The following TTC7B variants were observed in gnomAD, a reference collection of about 807,000 sequenced individuals.
TTC7B encodes the protein tetratricopeptide repeat domain 7B.
Under a neutral mutation model 106.8 loss-of-function variants are expected in TTC7B, and 28 were observed. That is an observed-to-expected ratio of 0.26 (90% CI 0.19 to 0.36). The LOEUF (loss-of-function observed/expected upper bound fraction) is 0.36. Ranked by LOEUF, TTC7B falls within the 10% of genes least tolerant of loss-of-function variation. The pLI, the probability that TTC7B is intolerant of heterozygous loss-of-function variation, is 1.00. For missense variants in TTC7B, 862 were observed against 1,076.4 expected, an observed-to-expected ratio of 0.80 and a Z score of 2.79; for synonymous variants, 405 against 430.6, an observed-to-expected ratio of 0.94 and a Z score of 0.74.
intron 5 of TTC7B, among the ~76,000 whole-genome samples, chr14:90,727,754 T>G (rs1566858514): frequency 6.6e-6 from 1 of 152,226 alleles, no homozygotes; most frequent in Non-Finnish European, 1.5e-5. Context: ...CATCTCTTAT[T>G]GCCAAACTCT....
intron 19 of TTC7B, among the ~76,000 whole-genome samples, chr14:90,552,866 C>T (rs547302095): frequency 2.7e-4 from 41 of 152,324 alleles, no homozygotes; most frequent in African/African-American, 9.6e-4. Context: ...ATGTCAGAAC[C>T]GAAACGGGGT....
rs1197400155 is a variant in TTC7B at position 90,610,759 on chromosome 14, A to G, written c.1949T>C (p.Phe650Ser). The change falls in exon 17 of 20, where the codon TTC becomes TCC. Residue 650 changes from phenylalanine (F) to serine (S), a missense_variant. Coordinates refer to ENST00000328459, the MANE Select transcript of TTC7B (RefSeq NM_001010854.2). ...RQLNTITLPD[F>S]SDPETGSVHA... ...ATTCTCACCTGTCTCGGGATCGCTGAAGTCTGGCAAAGTAATTGTATTAAG... is the reference window on the plus strand; with the variant it reads ...ATTCTCACCTGTCTCGGGATCGCTGGAGTCTGGCAAAGTAATTGTATTAAG... The G allele has an allele frequency of 1.2e-6, 2 of 1,613,526 alleles. No individual in the cohort carries two copies. Among genetic ancestry groups the G allele is most frequent in the South Asian group, 1.1e-5 (1 of 91,066 alleles).
chr14:90,740,041 T>C (rs749271706), intron 4 of TTC7B, among the ~76,000 whole-genome samples: 13 of 152,252 alleles, frequency 8.5e-5, no homozygotes, highest in Middle Eastern at 3.2e-3. Context: ...TGCTCAATTT[T>C]AGGGGTAGTT....
At position 90,537,491 on chromosome 14, in the gene TTC7B, AG is replaced by A. The variant is rs1054262843; in HGVS notation, c.*3876del. On this transcript the variant is annotated 3_prime_UTR_variant, in exon 20 of 20. Coordinates refer to ENST00000328459, the MANE Select transcript of TTC7B (RefSeq NM_001010854.2). ...CAGGCAGGAGCCACCATGCCCAGCC[AG>A]TTTATGGTAATTTGCTGCAACCACA... is the stretch of plus-strand genomic sequence containing the variant. The A allele has an allele frequency of 1.3e-5, 2 of 152,032 alleles. No individual in the cohort carries two copies. Among genetic ancestry groups the A allele is most frequent in the Non-Finnish European group, 2.9e-5 (2 of 68,080 alleles). The allele number at this position is 152,032 out of a possible 1,614,324, so 9.4% of individuals were successfully genotyped here.
Position 90,533,510 on chromosome 14 carries a change from C to T in TTC7B, c.*7858G>A, listed in dbSNP as rs949706998. 6.6e-6 allele frequency: 1 copy of T among 152,462 alleles called. No individual in the cohort carries two copies. Among genetic ancestry groups the T allele is most frequent in the African/African-American group, 2.4e-5 (1 of 41,458 alleles). 9.4% of individuals were successfully genotyped at this position (152,462 alleles called of 1,614,324 possible). A position where few individuals can be genotyped will look rare whatever the true frequency, so the allele number is the denominator to read the frequency against. ...AAAGAAGGAAAGACTTTATGGTGCACCCCGGGGGCCCCATGCCCTGTCCAG... is the reference window on the plus strand; with the variant it reads ...AAAGAAGGAAAGACTTTATGGTGCATCCCGGGGGCCCCATGCCCTGTCCAG... On this transcript the variant is annotated 3_prime_UTR_variant, in exon 20 of 20. Transcript: ENST00000328459.
chr14:90,785,814 C>T (rs901825442), intron 2 of TTC7B, among the ~76,000 whole-genome samples: 6 of 152,292 alleles, frequency 3.9e-5, no homozygotes, highest in South Asian at 4.1e-4. Flanking sequence ...GGAAGCTGTG[C>T]GCTGAGCATC....
In TTC7B at chr14:90,575,446, C is replaced by T. The variant is rs375606517; in HGVS notation, c.2310+2660G>A. Among the ~76,000 whole-genome samples, 191 of 152,292 alleles carry T rather than the reference C, an allele frequency of 1.3e-3. No homozygotes were observed. The South Asian group carries it at 0.035, about 28-fold the overall frequency. ...AGACCCCCTTCCTCCCTTCCTCCAT[C>T]GAAGGGCACAGAAACACAGCTTCCC... On this transcript the variant is annotated intron_variant, in intron 19 of 19. Coordinates refer to ENST00000328459, the MANE Select transcript of TTC7B (RefSeq NM_001010854.2). This position sits in a 1 kb window ranked among gnomAD's most constrained non-coding sequence, Gnocchi z 5.2.
chr14:90,586,637 C>T (rs569939062), intron 18 of TTC7B, among the ~76,000 whole-genome samples: 1 of 152,318 alleles, frequency 6.6e-6, no homozygotes, highest in South Asian at 2.1e-4. Flanking sequence ...CACCTACATT[C>T]TCTTCTTAGG....
intron 5 of TTC7B, among the ~76,000 whole-genome samples, chr14:90,726,574 A>C (rs1255671733): frequency 6.6e-6 from 1 of 152,178 alleles, no homozygotes; most frequent in Non-Finnish European, 1.5e-5. Context: ...ACACCCCACC[A>C]GGTGCTTCCA....
intron 9 of TTC7B, among the ~76,000 whole-genome samples, chr14:90,665,921 T>C (rs1185035646): frequency 5.3e-5 from 8 of 152,230 alleles, no homozygotes; most frequent in Admixed American, 1.3e-4. Flanking sequence ...TTGTTAACTT[T>C]TAGCAATAAA....
At chr14:90,629,430 G>A (rs1884593357) in intron 15 of TTC7B, among the ~76,000 whole-genome samples, 1 of 152,066 alleles carries the variant, frequency 6.6e-6, no homozygotes. Flanking sequence ...AGTGAAACTT[G>A]GCAGAGTAGA....
At position 90,585,962 on chromosome 14, in the gene TTC7B, C is replaced by T. The variant is rs72691731; in HGVS notation, c.2107+7524G>A. On this transcript the variant is annotated intron_variant, in intron 18 of 19. Transcript: ENST00000328459. The stretch of plus-strand genomic sequence containing the variant: ...CCAACCTCTCAGCGGCACTGCCCAC[C>T]GGCCACATCCTCCTTAAAAATCGTT... Among the ~76,000 whole-genome samples, 40 of 152,346 alleles carry T rather than the reference C, an allele frequency of 2.6e-4. 1 individual carries two copies. The highest frequency in any genetic ancestry group is 9.1e-4 in the Admixed American group (14 of 15,306).
At chr14:90,615,018 G>C (rs540895556) in intron 16 of TTC7B, among the ~76,000 whole-genome samples, 1 of 152,184 alleles carries the variant, frequency 6.6e-6, no homozygotes, top group African/African-American at 2.4e-5. Flanking sequence ...ACTGCAGACC[G>C]AGAGAAATAG....
At chr14:90,647,093 C>T (rs1225033886) in intron 13 of TTC7B, 70 bp from the exon 14 acceptor site, 5 of 1,338,758 alleles carry the variant, frequency 3.7e-6, no homozygotes, top group Non-Finnish European at 5.4e-6. Flanking sequence ...TCAAGCAAGT[C>T]TTCTCCACAT....
intron 19 of TTC7B, among the ~76,000 whole-genome samples, chr14:90,553,188 G>C (rs1344769903): frequency 6.6e-6 from 1 of 152,184 alleles, no homozygotes; most frequent in African/African-American, 2.4e-5. Context: ...GCAGCCCCAG[G>C]TGCAGCACCT....
intron 5 of TTC7B, among the ~76,000 whole-genome samples, chr14:90,710,969 C>T (rs945053522): frequency 2.0e-5 from 3 of 152,060 alleles, no homozygotes; most frequent in African/African-American, 2.4e-5. Flanking sequence ...AACAACAACA[C>T]CTTGTCAATC....
intron 5 of TTC7B, among the ~76,000 whole-genome samples, chr14:90,701,194 G>A (rs1476259345): frequency 1.3e-5 from 2 of 152,136 alleles, no homozygotes; most frequent in Non-Finnish European, 2.9e-5. Context: ...ACAAGCAGGC[G>A]AGGCTTCCGG....
chr14:90,763,044 C>A (rs1428204489), intron 3 of TTC7B, among the ~76,000 whole-genome samples: 1 of 152,144 alleles, frequency 6.6e-6, no homozygotes, highest in Non-Finnish European at 1.5e-5. Context: ...CACAACTCAT[C>A]CTATGACACC....
chr14:90,566,641 A>G (rs1389765571), intron 19 of TTC7B, among the ~76,000 whole-genome samples: 2 of 152,190 alleles, frequency 1.3e-5, no homozygotes, highest in Admixed American at 6.5e-5. Context: ...AGCCAACTGG[A>G]GGAGGGAAGG....
Sources: gnomAD v4.1 joint callset for allele counts (sites outside exome capture counted in the v4.1 genomes callset) on GRCh38, gnomAD v4.1.1 for gene constraint, Gnocchi (gnomAD v3.1) non-coding constraint, MANE v1.5 for transcripts, NCBI Gene and HGNC (gene_info 2026-07-23, HGNC 2026-07-21) for gene names.